Variants in CEP128 observed in about 807,000 individuals in gnomAD.
The protein encoded by CEP128 is centrosomal protein 128, also known as centrosomal protein 128kDa.
CEP128 carries 132 observed loss-of-function variants against 156.7 expected under a neutral mutation model. The observed-to-expected ratio is 0.84, with a 90% confidence interval of 0.73 to 0.97. The LOEUF is 0.97. Ranked by LOEUF, CEP128 falls within the 50% of genes least tolerant of loss-of-function variation. The pLI, the probability that CEP128 is intolerant of heterozygous loss-of-function variation, is 0.00. For synonymous variants in CEP128, 469 were observed against 448.9 expected (o/e 1.04, Z -0.57); for missense variants, 1,252 against 1,281.9 (o/e 0.98, Z 0.36).
In CEP128 at chr14:80,743,216, T is replaced by C; in HGVS notation, c.2665A>G (p.Lys889Glu). Residue 889 changes from lysine (K) to glutamate (E), a missense_variant, in exon 19 of 25, where the codon AAA (lysine) becomes GAA (glutamate). Physicochemically the swap from Lys to Glu is moderately conservative, Grantham distance 56. Coordinates refer to ENST00000555265, the MANE Select transcript of CEP128 (RefSeq NM_152446.5). The stretch of plus-strand genomic sequence containing the variant: ...AGCATCAGCTGGTGTCGCAGATTTT[T>C]CTCTCTGTTTTCTCTCTCTTTCAGT... ...EELKERENRE[K>E]NLRHQLMLCR... The C allele has an allele frequency of 1.9e-6, 3 of 1,613,608 alleles. No homozygotes were observed. The highest frequency in any genetic ancestry group is 2.5e-6 in the Non-Finnish European group (3 of 1,179,768).
chr14:80,688,655 T>A (rs949703789), intron 19 of CEP128, among the ~76,000 whole-genome samples: 2 of 152,220 alleles, frequency 1.3e-5, no homozygotes, highest in African/African-American at 4.8e-5. Flanking sequence ...CACTTTGCTG[T>A]GAGTTGATGC....
At chr14:80,655,922 A>G (rs1306224098) in intron 19 of CEP128, among the ~76,000 whole-genome samples, 1 of 151,990 alleles carries the variant, frequency 6.6e-6, no homozygotes, top group African/African-American at 2.4e-5. Flanking sequence ...GTTTTGCCTC[A>G]TTTAGGATAG....
intron 16 of CEP128, 71 bp from the exon 17 acceptor site, chr14:80,761,684 G>C: frequency 1.8e-6 from 2 of 1,098,072 alleles, no homozygotes; most frequent in East Asian, 2.4e-5. Flanking sequence ...TGTAATATCT[G>C]TTCAACCAAC....
intron 8 of CEP128, among the ~76,000 whole-genome samples, chr14:80,864,393 A>G (rs758714479): frequency 6.6e-6 from 1 of 152,162 alleles, no homozygotes; most frequent in Non-Finnish European, 1.5e-5. Context: ...TGACTTCTAT[A>G]TTTCAGAAAA....
At chr14:80,931,123 A>C (rs1885436432) in intron 2 of CEP128, among the ~76,000 whole-genome samples, 1 of 152,236 alleles carries the variant, frequency 6.6e-6, no homozygotes, top group South Asian at 2.1e-4. Context: ...GAGGATGTGC[A>C]TGAGGATACG....
intron 19 of CEP128, among the ~76,000 whole-genome samples, chr14:80,726,730 T>C (rs1217794135): frequency 6.6e-6 from 1 of 152,198 alleles, no homozygotes; most frequent in East Asian, 1.9e-4. Context: ...TATATAGTCA[T>C]GAATCTCATT....
Position 80,811,764 on chromosome 14 carries a change from T to G in CEP128, c.1210-18654A>C, listed in dbSNP as rs570131924. 4.0e-5 allele frequency among the ~76,000 whole-genome samples: 6 copies of G among 151,234 alleles called. No individual in the cohort carries two copies. In the South Asian group the frequency reaches 1.0e-3, roughly 26 times the overall value. ...TCCAGATAGACAGGTAACAGTCCTT[T>G]GGTTATTATCTCTCTTCTGCGTCTG... On this transcript the variant is annotated intron_variant, in intron 13 of 24. Coordinates refer to ENST00000555265, the MANE Select transcript of CEP128 (RefSeq NM_152446.5).
chr14:80,778,827 T>C (rs771516668), intron 15 of CEP128, among the ~76,000 whole-genome samples: 12 of 152,342 alleles, frequency 7.9e-5, no homozygotes, highest in South Asian at 4.1e-4. Flanking sequence ...ATGTAAACAC[T>C]ATGTGCCAGA....
intron 19 of CEP128, among the ~76,000 whole-genome samples, chr14:80,703,094 G>A (rs1443569230): frequency 6.6e-6 from 1 of 152,046 alleles, no homozygotes; most frequent in Non-Finnish European, 1.5e-5. Context: ...ATTGGCAGAT[G>A]AGGTAGGAAA....
At chr14:80,529,031 AGCAGG>A (rs1889106403) in intron 22 of CEP128, among the ~76,000 whole-genome samples, 3 of 152,226 alleles carry the variant, frequency 2.0e-5, no homozygotes, top group Admixed American at 2.0e-4. Flanking sequence ...AGCTAAAAGC[AGCAGG>A]GCGAAGCAGA....
chr14:80,703,733 A>G (rs1897147542), intron 19 of CEP128, among the ~76,000 whole-genome samples: 1 of 152,092 alleles, frequency 6.6e-6, no homozygotes, highest in South Asian at 2.1e-4. Context: ...AATTGACATT[A>G]ATACAATCCA....
intron 2 of CEP128, among the ~76,000 whole-genome samples, chr14:80,950,560 T>A (rs1886441192): frequency 1.3e-5 from 2 of 152,078 alleles, no homozygotes; most frequent in South Asian, 4.2e-4. Flanking sequence ...ATACTGAATT[T>A]GAAGACATAG....
At chr14:80,655,342 T>C (rs1427116026) in intron 19 of CEP128, among the ~76,000 whole-genome samples, 1 of 152,200 alleles carries the variant, frequency 6.6e-6, no homozygotes, top group Non-Finnish European at 1.5e-5. Context: ...TCACACCCTA[T>C]GTACATCCAT....
intron 18 of CEP128, among the ~76,000 whole-genome samples, chr14:80,753,822 G>A (rs1899507678): frequency 6.6e-6 from 1 of 152,082 alleles, no homozygotes; most frequent in Non-Finnish European, 1.5e-5. Flanking sequence ...GACTACTTTG[G>A]CTAGAAAATC....
At chr14:80,632,902 A>G (rs1894021173) in intron 19 of CEP128, among the ~76,000 whole-genome samples, 1 of 152,136 alleles carries the variant, frequency 6.6e-6, no homozygotes, top group Admixed American at 6.5e-5. Flanking sequence ...TGAAAGGGCT[A>G]TTGTTTTAGT....
chr14:80,806,002 G>A (rs893301943), intron 13 of CEP128, among the ~76,000 whole-genome samples: 1 of 152,086 alleles, frequency 6.6e-6, no homozygotes, highest in African/African-American at 2.4e-5. Context: ...TGAATTAGCA[G>A]ACAAATAAAA....
At chr14:80,697,587 T>C (rs1349594381) in intron 19 of CEP128, among the ~76,000 whole-genome samples, 1 of 152,080 alleles carries the variant, frequency 6.6e-6, no homozygotes, top group Non-Finnish European at 1.5e-5. Flanking sequence ...ATATGTACAT[T>C]TTGTTTTTAA....
At chr14:80,594,522 G>A (rs954096565) in intron 19 of CEP128, among the ~76,000 whole-genome samples, 1 of 152,154 alleles carries the variant, frequency 6.6e-6, no homozygotes, top group Non-Finnish European at 1.5e-5. Context: ...ACTATCATCA[G>A]AGTGAACAGG....
downstream of CEP128, among the ~76,000 whole-genome samples, chr14:80,492,922 A>G (rs1887372476): frequency 1.3e-5 from 2 of 152,128 alleles, no homozygotes; most frequent in East Asian, 3.9e-4. Flanking sequence ...TTAGATTGTA[A>G]CATCTGAATT....
Sources: allele counts gnomAD v4.1 joint callset (sites outside exome capture counted in the v4.1 genomes callset), GRCh38; gene constraint gnomAD v4.1.1; transcripts MANE v1.5; gene names NCBI Gene and HGNC (gene_info 2026-07-23, HGNC 2026-07-21).